Variants in RABGAP1 observed in about 807,000 individuals in gnomAD.
RABGAP1 encodes rab GTPase-activating protein 1.
RABGAP1 carries 23 observed loss-of-function variants against 137.6 expected under a neutral mutation model. The observed-to-expected ratio is 0.17, with a 90% CI of 0.12 to 0.24. RABGAP1 has a LOEUF of 0.24. Ranked by LOEUF, RABGAP1 falls within the 10% of genes least tolerant of loss-of-function variation. The pLI is 1.00. For missense variants in RABGAP1, 906 were observed against 1,275.8 expected (o/e 0.71, Z 4.42); for synonymous variants, 451 against 450.7 (o/e 1.00, Z -0.01).
chr9:123,078,424 C>T (rs892033451), intron 19 of RABGAP1, among the ~76,000 whole-genome samples: 9 of 151,964 alleles, frequency 5.9e-5, no homozygotes, highest in African/African-American at 2.2e-4. Flanking sequence ...ATCGTATGTA[C>T]AGTGTTTAAC....
intron 25 of RABGAP1, among the ~76,000 whole-genome samples, 199 bp downstream of exon 25, chr9:123,101,962 G>C (rs551095230): frequency 6.6e-5 from 10 of 152,122 alleles, no homozygotes; most frequent in African/African-American, 2.2e-4. Flanking sequence ...GAGGATTTCC[G>C]CTGTCATATT....
intron 2 of RABGAP1, among the ~76,000 whole-genome samples, chr9:122,967,387 A>C (rs4838029): frequency 0.21 from 32,149 of 152,030 alleles, 4,694 homozygotes; most frequent in East Asian, 0.65. Context: ...GATTTTATTG[A>C]ATGATTGTAG....
At chr9:123,042,361 GA>G (rs1242768987) in intron 13 of RABGAP1, among the ~76,000 whole-genome samples, 1 of 152,090 alleles carries the variant, frequency 6.6e-6, no homozygotes, top group African/African-American at 2.4e-5. Context: ...GCACTTTTGA[GA>G]AAAAGTTCTC....
At chr9:123,044,628 T>C (rs1588325000) in intron 13 of RABGAP1, among the ~76,000 whole-genome samples, 2 of 38,900 alleles carry the variant, frequency 5.1e-5, no homozygotes, top group Non-Finnish European at 6.0e-4. Context: ...CACACGTACG[T>C]GTGTGTGTGT....
rs79199075 is a variant in RABGAP1, at chr9:122,997,787, G to A, written c.1204+426G>A. On this transcript the variant is annotated intron_variant, in intron 9 of 25. Transcript: ENST00000373647. Reference sequence around the variant, plus strand: ...GCTCTTCAAATACTCTATGCATAAAGTATCTGGAAGATATTTCATATGCTC... The same window carrying A: ...GCTCTTCAAATACTCTATGCATAAAATATCTGGAAGATATTTCATATGCTC... 8.9e-3 allele frequency among the ~76,000 whole-genome samples: 1,350 copies of A among 152,228 alleles called. 16 individuals are homozygous for A. The highest frequency in any genetic ancestry group is 0.031 in the African/African-American group (1,276 of 41,528).
chr9:122,960,052 A>C (rs759662564), intron 2 of RABGAP1, among the ~76,000 whole-genome samples: 4 of 152,230 alleles, frequency 2.6e-5, no homozygotes, highest in Non-Finnish European at 4.4e-5. Flanking sequence ...GAAAAGTTTA[A>C]GCCTAAGGTT....
At chr9:122,989,507 C>T (rs758561128) in intron 5 of RABGAP1, 36 bp downstream of exon 5, 1 of 1,589,226 alleles carries the variant, frequency 6.3e-7, no homozygotes, top group Admixed American at 1.7e-5. Context: ...GCAAATGAAA[C>T]TTCACCAGTG....
chr9:123,080,037 A>C (rs1340687839), intron 19 of RABGAP1, among the ~76,000 whole-genome samples: 1 of 152,208 alleles, frequency 6.6e-6, no homozygotes, highest in African/African-American at 2.4e-5. Context: ...AAGAGTTAAC[A>C]TGGATTTGGG....
At chr9:122,975,474 T>G (rs747539840) in intron 2 of RABGAP1, among the ~76,000 whole-genome samples, 20 of 152,240 alleles carry the variant, frequency 1.3e-4, no homozygotes, top group Non-Finnish European at 2.9e-4. Context: ...TTCTACCGTA[T>G]AAGATATTGC....
intron 12 of RABGAP1, among the ~76,000 whole-genome samples, chr9:123,016,187 T>A (rs550865327): frequency 6.6e-6 from 1 of 152,212 alleles, no homozygotes; most frequent in Non-Finnish European, 1.5e-5. Flanking sequence ...TAAGAAGCAC[T>A]ATCCTATAGG....
At chr9:123,096,245 G>C (rs1466573319) in intron 21 of RABGAP1, among the ~76,000 whole-genome samples, 1 of 152,100 alleles carries the variant, frequency 6.6e-6, no homozygotes, top group South Asian at 2.1e-4. Context: ...CATACATTTT[G>C]GATTGTTACA....
chr9:123,040,790 G>A (rs2032915030), intron 13 of RABGAP1, among the ~76,000 whole-genome samples: 1 of 152,046 alleles, frequency 6.6e-6, no homozygotes, highest in Admixed American at 6.6e-5. Flanking sequence ...AAAATTAATA[G>A]CATCAGATAA....
At chr9:123,054,055 C>T (rs912766544) in intron 13 of RABGAP1, among the ~76,000 whole-genome samples, 1 of 152,120 alleles carries the variant, frequency 6.6e-6, no homozygotes, top group East Asian at 1.9e-4. Flanking sequence ...ACTTTTAAAA[C>T]CAAGATGGGG....
At chr9:122,934,662 T>A in the RABGAP1 span, among the ~76,000 whole-genome samples, 2 of 111,222 alleles carry the variant, frequency 1.8e-5, no homozygotes, top group South Asian at 7.2e-4. Context: ...AACACCACAC[T>A]TGACGCCTTT....
chr9:123,046,122 T>G (rs1189835401), intron 13 of RABGAP1, among the ~76,000 whole-genome samples: 1 of 152,192 alleles, frequency 6.6e-6, no homozygotes, highest in African/African-American at 2.4e-5. Flanking sequence ...TTTTATGTAT[T>G]TTGTCCTGCT....
chr9:123,033,822 G>T (rs1217195864), intron 13 of RABGAP1: 4 of 152,246 alleles, frequency 2.6e-5, no homozygotes, highest in Admixed American at 2.0e-4. Context: ...TGGAATCAAT[G>T]AAGAAAGTAA....
intron 23 of RABGAP1, 37 bp downstream of exon 23, chr9:123,098,835 T>G (rs2035260051): frequency 6.6e-7 from 1 of 1,520,968 alleles, no homozygotes; most frequent in African/African-American, 1.4e-5. Flanking sequence ...CTGTGTAATC[T>G]GGGAGCCCCT....
At chr9:123,027,148 C>T (rs973955711) in intron 13 of RABGAP1, among the ~76,000 whole-genome samples, 4 of 143,310 alleles carry the variant, frequency 2.8e-5, no homozygotes, top group Admixed American at 7.1e-5. Flanking sequence ...CTCGCTCTCT[C>T]GCTCTGTTGC....
intron 2 of RABGAP1, among the ~76,000 whole-genome samples, chr9:122,960,061 T>A (rs1408488530): frequency 6.6e-6 from 1 of 152,178 alleles, no homozygotes; most frequent in Non-Finnish European, 1.5e-5. Flanking sequence ...AAGCCTAAGG[T>A]TACTCTAAAA....
Sources: gnomAD v4.1 joint callset for allele counts (sites outside exome capture counted in the v4.1 genomes callset) on GRCh38, gnomAD v4.1.1 for gene constraint, MANE v1.5 for transcripts, NCBI Gene and HGNC (gene_info 2026-07-23, HGNC 2026-07-21) for gene names.